THSD7A: variants seen among roughly 807,000 people sequenced by gnomAD.
THSD7A encodes the protein thrombospondin type-1 domain-containing protein 7A.
A neutral mutation model predicts 231.3 loss-of-function variants in THSD7A; 96 were observed. The observed-to-expected ratio is 0.41, with a 90% CI of 0.35 to 0.49. The LOEUF (loss-of-function observed/expected upper bound fraction) is 0.49. THSD7A is among the 20% of genes least tolerant of loss of function. The probability of loss-of-function intolerance (pLI) is 0.05; values close to 1 mark genes in which losing one functional copy is unlikely to be tolerated. For missense variants in THSD7A, 2,290 were observed against 2,070.2 expected (o/e 1.11, Z -2.06); for synonymous variants, 940 against 743.3 (o/e 1.26, Z -4.30).
chr7:11,493,754 T>C (rs1786990412), intron 6 of THSD7A, among the ~76,000 whole-genome samples: 1 of 152,118 alleles, frequency 6.6e-6, no homozygotes, highest in Non-Finnish European at 1.5e-5. Context: ...ATTTAAGTAT[T>C]TTAAAGAGCC....
chr7:11,566,843 C>T (rs954351167), intron 4 of THSD7A, among the ~76,000 whole-genome samples: 3 of 151,658 alleles, frequency 2.0e-5, no homozygotes, highest in African/African-American at 7.3e-5. Flanking sequence ...AAATATTTGT[C>T]ATTGAAAATC....
In THSD7A at chr7:11,401,963, A is replaced by T. The variant is rs1257465897; in HGVS notation, c.4243T>A (p.Cys1415Ser). The T allele has an allele frequency of 4.3e-6, 7 of 1,612,466 alleles. No homozygotes were observed. The highest frequency in any genetic ancestry group is 5.9e-6 in the Non-Finnish European group (7 of 1,179,386). Residue 1415 changes from cysteine (C) to serine (S), a missense_variant, in exon 23 of 28, where the codon TGT (cysteine) becomes AGT (serine). Transcript: ENST00000423059. Reference protein sequence around the residue: ...ESCSQPCPGDCYLKDWSSWSL... With the variant: ...ESCSQPCPGDSYLKDWSSWSL... ...CAGGAAGACCAGTCCTTCAAATAAC[A>T]GTCACCTGTAAAACACATATTTGTA... is the stretch of plus-strand genomic sequence containing the variant.
chr7:11,484,565 C>T (rs1786567703), intron 6 of THSD7A, among the ~76,000 whole-genome samples: 1 of 152,148 alleles, frequency 6.6e-6, no homozygotes, highest in Admixed American at 6.6e-5. Flanking sequence ...GTCTGACTAT[C>T]ACTAGACTAA....
intron 1 of THSD7A, among the ~76,000 whole-genome samples, chr7:11,798,618 A>AT (rs1784193786): frequency 6.6e-6 from 1 of 152,270 alleles, no homozygotes; most frequent in Non-Finnish European, 1.5e-5. Flanking sequence ...CAATATTGTC[A>AT]TTTTTTAATG....
chr7:11,543,102 T>C lies in THSD7A; in HGVS notation c.1469A>G (p.Asp490Gly). Residue 490 changes from aspartate to glycine, a missense_variant, in exon 5 of 28, where the codon GAC (aspartate) becomes GGC (glycine). By Grantham distance (94) the Asp-to-Gly change is moderately conservative (BLOSUM62 -1). Coordinates refer to ENST00000423059, the MANE Select transcript of THSD7A (RefSeq NM_015204.3). ...GATAGGTCCAGTGCATAATTTTAAG[T>C]CCATTGGCTTTGAGGCTAGAGAAAA... ...HKNKEASKPM[D>G]LKLCTGPIPN... 6.2e-7 allele frequency: 1 copy of C among 1,611,460 alleles called. No homozygotes were observed.
intron 4 of THSD7A, among the ~76,000 whole-genome samples, chr7:11,551,043 C>T (rs1023483696): frequency 2.0e-5 from 3 of 152,024 alleles, no homozygotes; most frequent in Non-Finnish European, 4.4e-5. Flanking sequence ...AACAAAGTCA[C>T]ACACTTATAG....
At chr7:11,692,281 C>A (rs1370691374) in intron 1 of THSD7A, among the ~76,000 whole-genome samples, 1 of 151,550 alleles carries the variant, frequency 6.6e-6, no homozygotes, top group African/African-American at 2.4e-5. Context: ...TGGAAGCATG[C>A]ATTTACAGTG....
chr7:11,519,121 A>C, intron 6 of THSD7A, among the ~76,000 whole-genome samples: 1 of 152,102 alleles, frequency 6.6e-6, no homozygotes, highest in East Asian at 1.9e-4. Flanking sequence ...TTTATATATA[A>C]TATCTTTATT....
intron 7 of THSD7A, among the ~76,000 whole-genome samples, chr7:11,480,415 G>C (rs1053147939): frequency 4.6e-5 from 7 of 152,152 alleles, no homozygotes; most frequent in Non-Finnish European, 7.4e-5. Context: ...AGGAAGCAGG[G>C]TGACCACAGA....
intron 23 of THSD7A, among the ~76,000 whole-genome samples, chr7:11,397,948 G>C (rs1480109698): frequency 2.0e-5 from 3 of 152,198 alleles, no homozygotes; most frequent in Non-Finnish European, 4.4e-5. Flanking sequence ...TTACACTGTT[G>C]GTGGGACTGT....
chr7:11,489,324 G>A (rs1038205785), intron 6 of THSD7A, among the ~76,000 whole-genome samples: 1 of 152,092 alleles, frequency 6.6e-6, no homozygotes, highest in African/African-American at 2.4e-5. Context: ...ACTTCAGCTT[G>A]ATTAAGCATT....
At chr7:11,479,513 GAAT>G (rs1786334558) in intron 7 of THSD7A, among the ~76,000 whole-genome samples, 1 of 152,166 alleles carries the variant, frequency 6.6e-6, no homozygotes, top group African/African-American at 2.4e-5. Flanking sequence ...AATTCTTGAA[GAAT>G]AATGGAAAGA....
At chr7:11,705,480 T>C (rs533275807) in intron 1 of THSD7A, among the ~76,000 whole-genome samples, 1 of 151,098 alleles carries the variant, frequency 6.6e-6, no homozygotes, top group African/African-American at 2.4e-5. Context: ...CTAGGAATCA[T>C]ATTTCTCTGT....
chr7:11,798,791 A>G (rs1784198286), intron 1 of THSD7A, among the ~76,000 whole-genome samples: 1 of 152,184 alleles, frequency 6.6e-6, no homozygotes, highest in South Asian at 2.1e-4. Flanking sequence ...AGATACATTC[A>G]TATTTTTTAG....
chr7:11,462,755 T>C (rs965652468), intron 9 of THSD7A, among the ~76,000 whole-genome samples: 11 of 152,098 alleles, frequency 7.2e-5, no homozygotes, highest in Admixed American at 2.6e-4. Flanking sequence ...AGACACAGAC[T>C]TTTTAGAGAA....
chr7:11,534,671 A>G (rs1339837776), intron 6 of THSD7A, among the ~76,000 whole-genome samples: 1 of 152,156 alleles, frequency 6.6e-6, no homozygotes. Context: ...AGGTGGAAAG[A>G]GAATAGGGAA....
At chr7:11,531,802 G>C (rs1290233588) in intron 6 of THSD7A, among the ~76,000 whole-genome samples, 1 of 152,144 alleles carries the variant, frequency 6.6e-6, no homozygotes, top group Non-Finnish European at 1.5e-5. Flanking sequence ...TCCGGGTATA[G>C]CTCTATAGCA....
chr7:11,465,225 C>G (rs1785651909), intron 9 of THSD7A, among the ~76,000 whole-genome samples: 1 of 152,152 alleles, frequency 6.6e-6, no homozygotes, highest in South Asian at 2.1e-4. Flanking sequence ...TTAGCACCTT[C>G]TATTTCTTTC....
At chr7:11,496,656 G>T (rs943067809) in intron 6 of THSD7A, among the ~76,000 whole-genome samples, 56 of 152,294 alleles carry the variant, frequency 3.7e-4, no homozygotes, top group African/African-American at 1.3e-3. Flanking sequence ...CCAGGAGCCT[G>T]TGGCTACGTA....
Sources: allele counts gnomAD v4.1 joint callset (sites outside exome capture counted in the v4.1 genomes callset), GRCh38; gene constraint gnomAD v4.1.1; transcripts MANE v1.5; gene names NCBI Gene and HGNC (gene_info 2026-07-23, HGNC 2026-07-21).